The following MAGI2 variants were observed in gnomAD, a reference collection of about 807,000 sequenced individuals.
MAGI2 encodes membrane associated guanylate kinase, WW and PDZ domain containing 2.
MAGI2 carries 35 observed loss-of-function variants against 133.3 expected under a neutral mutation model. The ratio of observed to expected loss-of-function variants is 0.26; its 90% confidence interval spans 0.20 to 0.35. The LOEUF is 0.35. Among genes scored for constraint, MAGI2 ranks in the 10% least tolerant of loss-of-function variants. MAGI2 has a pLI of 1.00. For synonymous variants in MAGI2, 729 were observed against 710.6 expected, an observed-to-expected ratio of 1.03 and a Z score of -0.41; for missense variants, 1,636 against 1,863.4, an observed-to-expected ratio of 0.88 and a Z score of 2.25.
At chr7:78,311,698 T>C (rs1375713432) in intron 9 of MAGI2, among the ~76,000 whole-genome samples, 1 of 152,190 alleles carries the variant, frequency 6.6e-6, no homozygotes, top group Non-Finnish European at 1.5e-5. Context: ...AGTGCTCACA[T>C]ACTGATAAAA....
At chr7:79,078,911 A>G (rs1450259835) in intron 1 of MAGI2, among the ~76,000 whole-genome samples, 1 of 152,214 alleles carries the variant, frequency 6.6e-6, no homozygotes, top group Non-Finnish European at 1.5e-5. Context: ...GAGGTTTTAA[A>G]TTCATGGAAT....
chr7:78,991,626 A>C (rs1805797343), intron 2 of MAGI2, among the ~76,000 whole-genome samples: 1 of 150,806 alleles, frequency 6.6e-6, no homozygotes, highest in South Asian at 2.1e-4. Flanking sequence ...GAGAACACTC[A>C]TGAACTAATA....
intron 1 of MAGI2, among the ~76,000 whole-genome samples, chr7:79,128,588 C>T (rs1398246728): frequency 6.6e-6 from 1 of 152,108 alleles, no homozygotes; most frequent in African/African-American, 2.4e-5. Context: ...CAGGAACAAG[C>T]TGAAATAGTA....
In MAGI2 at chr7:78,727,626, A is replaced by T. The variant is rs550485386; in HGVS notation, c.419-100387T>A. 1.2e-4 allele frequency among the ~76,000 whole-genome samples: 18 copies of T among 152,366 alleles called. 1 individual carries two copies. The South Asian group carries it at 3.5e-3, about 30-fold the overall frequency. On this transcript the variant is annotated intron_variant, in intron 2 of 21. Transcript: ENST00000354212. ...ATACATCAAATATGGAAGTCACAAC[A>T]TGAAGGATATTGTGAGGTTTTCATT... is the stretch of plus-strand genomic sequence containing the variant.
chr7:78,760,742 G>T (rs1026750585), intron 2 of MAGI2, among the ~76,000 whole-genome samples: 2 of 152,134 alleles, frequency 1.3e-5, no homozygotes, highest in African/African-American at 4.8e-5. Context: ...CGATATGTAA[G>T]TGTGTGTGCA....
rs183884376 is a variant in MAGI2, at chr7:79,216,317, A to G, written c.302-209111T>C. On this transcript the variant is annotated intron_variant, in intron 1 of 21. Coordinates refer to ENST00000354212, the MANE Select transcript of MAGI2 (RefSeq NM_012301.4). ...ATCCATCCCACTGAGAGCCACCTCC[A>G]CCACTCAATCAAACCCCTGCATTCA... Among the ~76,000 whole-genome samples, 259 of 151,854 alleles carry G rather than the reference A, an allele frequency of 1.7e-3. 4 individuals are homozygous for G. The highest frequency in any genetic ancestry group is 6.0e-3 in the African/African-American group (246 of 41,262).
At chr7:79,049,517 A>ACC (rs1812485806) in intron 1 of MAGI2, among the ~76,000 whole-genome samples, 1 of 152,134 alleles carries the variant, frequency 6.6e-6, no homozygotes, top group Non-Finnish European at 1.5e-5. Flanking sequence ...TTTATTACAG[A>ACC]CTTGTATCCT....
intron 1 of MAGI2, among the ~76,000 whole-genome samples, chr7:79,438,789 T>C (rs1192891283): frequency 6.6e-6 from 1 of 152,076 alleles, no homozygotes; most frequent in Non-Finnish European, 1.5e-5. Flanking sequence ...CTCAGTTTCT[T>C]CTCTCCTCCA....
chr7:79,228,309 C>T (rs575937223), intron 1 of MAGI2, among the ~76,000 whole-genome samples: 188 of 121,730 alleles, frequency 1.5e-3, no homozygotes, highest in African/African-American at 5.2e-3. Context: ...CACCACTGCA[C>T]CCCAGGCTGG....
chr7:78,826,951 G>A (rs1050411683), intron 2 of MAGI2, among the ~76,000 whole-genome samples: 1 of 152,160 alleles, frequency 6.6e-6, no homozygotes, highest in African/African-American at 2.4e-5. Flanking sequence ...CTGTTGAAAT[G>A]AGAGGCTACA....
chr7:78,088,644 C>T (rs981219081), intron 20 of MAGI2, among the ~76,000 whole-genome samples: 1 of 152,094 alleles, frequency 6.6e-6, no homozygotes, highest in African/African-American at 2.4e-5. Flanking sequence ...GAGCTGGCGC[C>T]ATGAAAGAGA....
chr7:78,523,799 G>C (rs946918109), intron 3 of MAGI2, among the ~76,000 whole-genome samples: 2 of 152,102 alleles, frequency 1.3e-5, no homozygotes, highest in African/African-American at 4.8e-5. Flanking sequence ...GACATGTGGG[G>C]ATTATGGGGA....
intron 2 of MAGI2, among the ~76,000 whole-genome samples, chr7:78,943,236 T>G (rs1330195938): frequency 6.6e-6 from 1 of 152,136 alleles, no homozygotes; most frequent in African/African-American, 2.4e-5. Flanking sequence ...TTGAAGAACA[T>G]TAAATTTATA....
chr7:78,655,207 G>A lies in MAGI2; in HGVS notation c.419-27968C>T, dbSNP rs192827602. Among the ~76,000 whole-genome samples, 74 of 151,712 alleles carry A rather than the reference G, an allele frequency of 4.9e-4. 1 individual carries two copies. The highest frequency in any genetic ancestry group is 3.0e-3 in the Admixed American group (46 of 15,240). ...AAAAAAGTGATAGTATTACTAAAAC[G>A]CAAGACAACGGAAAACCTATTGTCA... On this transcript the variant is annotated intron_variant, in intron 2 of 21. Coordinates refer to ENST00000354212, the MANE Select transcript of MAGI2 (RefSeq NM_012301.4).
At chr7:78,439,000 T>C (rs1034267897) in intron 6 of MAGI2, among the ~76,000 whole-genome samples, 2 of 152,186 alleles carry the variant, frequency 1.3e-5, no homozygotes, top group Non-Finnish European at 2.9e-5. Context: ...ATAACGTAAC[T>C]ACCTTGAACT....
At chr7:79,240,919 A>G (rs1202856674) in intron 1 of MAGI2, among the ~76,000 whole-genome samples, 2 of 152,128 alleles carry the variant, frequency 1.3e-5, no homozygotes, top group Non-Finnish European at 2.9e-5. Flanking sequence ...GGCACATCTT[A>G]TCCCATTTGT....
intron 3 of MAGI2, among the ~76,000 whole-genome samples, chr7:78,621,023 T>C (rs996555400): frequency 9.9e-5 from 15 of 152,058 alleles, no homozygotes; most frequent in African/African-American, 2.9e-4. Context: ...GTGAGTGAAA[T>C]CACGAATGTA....
intron 2 of MAGI2, among the ~76,000 whole-genome samples, chr7:78,893,013 G>A (rs1282005150): frequency 2.0e-5 from 3 of 151,870 alleles, no homozygotes; most frequent in African/African-American, 4.8e-5. Flanking sequence ...AATCTACAAT[G>A]AACTCAAACA....
chr7:79,317,019 CTTTTTTT>C (rs58130248), intron 1 of MAGI2, among the ~76,000 whole-genome samples: 42 of 101,740 alleles, frequency 4.1e-4, no homozygotes, highest in African/African-American at 1.4e-3. Context: ...TTTTCTTTTT[CTTTTTTT>C]TTTTTTTTTT....
Sources: allele counts gnomAD v4.1 joint callset (sites outside exome capture counted in the v4.1 genomes callset), GRCh38; gene constraint gnomAD v4.1.1; transcripts MANE v1.5; gene names NCBI Gene and HGNC (gene_info 2026-07-23, HGNC 2026-07-21).